Variants in RAP1GAP2 observed in about 807,000 individuals in gnomAD.
The protein encoded by RAP1GAP2 is rap1 GTPase-activating protein 2.
Under a neutral mutation model 95.0 loss-of-function variants are expected in RAP1GAP2, and 27 were observed. The ratio of observed to expected loss-of-function variants is 0.28; its 90% CI spans 0.21 to 0.39. The LOEUF is 0.39. RAP1GAP2 is among the 10% of genes least tolerant of loss of function. The pLI, the probability that RAP1GAP2 is intolerant of heterozygous loss-of-function variation, is 1.00. For synonymous variants in RAP1GAP2, 373 were observed against 380.9 expected (o/e 0.98, Z 0.24); for missense variants, 771 against 970.0 (o/e 0.79, Z 2.72).
In RAP1GAP2 at chr17:2,796,445, C is replaced by G. The variant is rs2069084876; in HGVS notation, c.-83C>G. The G allele has an allele frequency of 2.0e-6, 3 of 1,489,062 alleles. No individual in the cohort carries two copies. In the Admixed American group the frequency reaches 5.9e-5, roughly 29 times the overall value. 92.2% of individuals were successfully genotyped at this position (1,489,062 alleles called of 1,614,324 possible). The stretch of plus-strand genomic sequence containing the variant: ...TCCCCGCCCTGCACCGGCACTGACC[C>G]CGCTGTACCACGGCCCTCTTGCGGA... On this transcript the variant is annotated 5_prime_UTR_variant, in exon 1 of 25. Coordinates refer to ENST00000254695, the MANE Select transcript of RAP1GAP2 (RefSeq NM_015085.5). This position sits in a 1 kb window ranked among gnomAD's most constrained non-coding sequence, Gnocchi z 4.7.
At chr17:2,938,304 T>C (rs1209433438) in intron 3 of RAP1GAP2, among the ~76,000 whole-genome samples, 1 of 152,192 alleles carries the variant, frequency 6.6e-6, no homozygotes, top group Non-Finnish European at 1.5e-5. Context: ...ACACTAGGTC[T>C]GGAGCTGTTT....
intron 3 of RAP1GAP2, among the ~76,000 whole-genome samples, chr17:2,923,083 A>G (rs1162961788): frequency 1.8e-4 from 25 of 139,678 alleles, no homozygotes; most frequent in African/African-American, 6.5e-4. Context: ...CTCTGTTGCC[A>G]GGCTGGAGTG....
chr17:2,968,213 T>C (rs1169325106), intron 8 of RAP1GAP2, among the ~76,000 whole-genome samples: 1 of 152,126 alleles, frequency 6.6e-6, no homozygotes, highest in Non-Finnish European at 1.5e-5. Flanking sequence ...GAGGAAACAG[T>C]TGCTGGTTAA....
At chr17:2,922,826 GTTTTTGTTTTTTTT>G (rs2042829141) in intron 3 of RAP1GAP2, among the ~76,000 whole-genome samples, 1 of 93,728 alleles carries the variant, frequency 1.1e-5, no homozygotes, top group Admixed American at 1.1e-4. Context: ...TTTTCTTTTT[GTTTTTGTTTTTTTT>G]TTTTTTTTTG....
intron 13 of RAP1GAP2, among the ~76,000 whole-genome samples, chr17:2,997,887 C>T (rs1286669776): frequency 6.8e-6 from 1 of 146,942 alleles, no homozygotes; most frequent in African/African-American, 2.5e-5. Context: ...CGTGCCACGG[C>T]ACTCCAGCCT....
Position 2,998,280 on chromosome 17 carries a change from C to G in RAP1GAP2, c.1104C>G (p.Asn368Lys). 6.2e-7 allele frequency: 1 copy of G among 1,614,016 alleles called. No homozygotes were observed. Among genetic ancestry groups the G allele is most frequent in the Non-Finnish European group, 8.5e-7 (1 of 1,179,866 alleles). Residue 368 changes from asparagine to lysine, a missense_variant, in exon 14 of 25, where the codon AAC becomes AAG. Physicochemically the swap from Asn to Lys is moderately conservative, Grantham distance 94. Coordinates refer to ENST00000254695, the MANE Select transcript of RAP1GAP2 (RefSeq NM_015085.5). The stretch of plus-strand genomic sequence containing the variant: ...TGGCCATCATCTTCCAAGAGGAAAA[C>G]ACGCCGTTTGTCCCAGACATGATAG... ...DIVAIIFQEE[N>K]TPFVPDMIAS...
rs1435071678 is a variant in RAP1GAP2 at position 2,963,264 on chromosome 17, A to C, written c.247-166A>C. 1 of 786,064 alleles carries C rather than the reference A, an allele frequency of 1.3e-6. No individual in the cohort carries two copies. The highest frequency in any genetic ancestry group is 2.2e-6 in the Non-Finnish European group (1 of 457,726). The allele number at this position is 786,064 out of a possible 1,614,324, so 48.7% of individuals were successfully genotyped here. On this transcript the variant is annotated intron_variant, in intron 5 of 24. Coordinates refer to ENST00000254695, the MANE Select transcript of RAP1GAP2 (RefSeq NM_015085.5). The surrounding 1 kb of genome is among the most constrained non-coding windows in gnomAD (Gnocchi z 4.8). ...GGGTTCTGTCAGTTTGGAGAAGAAC[A>C]TGGGGGATGTTAGATTCCAGAGCTG...
In RAP1GAP2 at chr17:3,033,020, G is replaced by A. The variant is rs182229819; in HGVS notation, c.*31-372G>A. 153 of 157,252 alleles carry A rather than the reference G, an allele frequency of 9.7e-4. No homozygotes were observed. The highest frequency in any genetic ancestry group is 5.2e-3 in the East Asian group (28 of 5,372). 9.7% of individuals were successfully genotyped at this position (157,252 alleles called of 1,614,324 possible). ...CACCAGAGACCCATCTGAGCTCCCA[G>A]CCCTCTCCCCACATGGGGCTTCAGG... is the stretch of plus-strand genomic sequence containing the variant. On this transcript the variant is annotated intron_variant, in intron 24 of 24. Transcript: ENST00000254695. The surrounding 1 kb of genome is among the most constrained non-coding windows in gnomAD (Gnocchi z 4.9).
Position 3,036,107 on chromosome 17 carries a change from G to A in RAP1GAP2, c.*2746G>A, listed in dbSNP as rs986551828. On this transcript the variant is annotated 3_prime_UTR_variant, in exon 25 of 25. Transcript: ENST00000254695. ...CTTAAAAACAGGTGCAGAAAAGCTC[G>A]CGATGGAAGGTCTTAATGAGAGTGT... The A allele has an allele frequency of 2.0e-5, 3 of 152,216 alleles. No homozygotes were observed. Among genetic ancestry groups the A allele is most frequent in the African/African-American group, 4.8e-5 (2 of 41,438 alleles). The allele number at this position is 152,216 out of a possible 1,614,324, so 9.4% of individuals were successfully genotyped here. A position where few individuals can be genotyped will look rare whatever the true frequency, so the allele number is the denominator to read the frequency against.
chr17:2,765,246 T>G (rs1049693608), intron 1 of RAP1GAP2, among the ~76,000 whole-genome samples: 35 of 152,304 alleles, frequency 2.3e-4, no homozygotes, highest in African/African-American at 7.9e-4. Flanking sequence ...GGGAATGATG[T>G]TGCTGCCTGT....
intron 13 of RAP1GAP2, among the ~76,000 whole-genome samples, chr17:2,996,710 G>T (rs76076171): frequency 1.8e-3 from 269 of 152,334 alleles, no homozygotes; most frequent in African/African-American, 6.1e-3. Flanking sequence ...GTGTTTCTTG[G>T]GAAATACACC....
chr17:2,912,308 T>TG (rs966984042), intron 3 of RAP1GAP2, among the ~76,000 whole-genome samples: 9 of 151,588 alleles, frequency 5.9e-5, no homozygotes, highest in South Asian at 2.1e-4. Flanking sequence ...GGGTGGTGTG[T>TG]GGGGGCTTCT....
In RAP1GAP2 at chr17:2,866,013, C is replaced by T. The variant is rs890476390; in HGVS notation, c.81-39271C>T. ...CCCATGCTCCTGAAGCAGAGATCAA[C>T]CATGGAATGTGAATCCAAGACAGAA... On this transcript the variant is annotated intron_variant, in intron 2 of 24. Transcript: ENST00000254695. This position sits in a 1 kb window ranked among gnomAD's most constrained non-coding sequence, Gnocchi z 4.0. 6.6e-6 allele frequency among the ~76,000 whole-genome samples: 1 copy of T among 152,220 alleles called. No homozygotes were observed. The highest frequency in any genetic ancestry group is 1.5e-5 in the Non-Finnish European group (1 of 68,046).
intron 2 of RAP1GAP2, among the ~76,000 whole-genome samples, chr17:2,890,885 T>G (rs184893120): frequency 0.021 from 3,149 of 151,394 alleles, 94 homozygotes; most frequent in African/African-American, 0.071. Flanking sequence ...GGGGTTTCAC[T>G]GTGTTAGTCA....
At chr17:2,846,864 G>A (rs999089039) in intron 2 of RAP1GAP2, among the ~76,000 whole-genome samples, 11 of 152,154 alleles carry the variant, frequency 7.2e-5, no homozygotes, top group African/African-American at 2.2e-4. Flanking sequence ...GGGCCATTAA[G>A]CCTAGGGACA....
At chr17:2,961,379 G>A (rs2044317489) in intron 4 of RAP1GAP2, among the ~76,000 whole-genome samples, 1 of 152,064 alleles carries the variant, frequency 6.6e-6, no homozygotes, top group Admixed American at 6.5e-5. Context: ...GCTGGGCGTG[G>A]TGGTACATGC....
rs1044808403 is a variant in RAP1GAP2, at chr17:3,037,371, C to T, written c.*4010C>T. ...TGCTTGGAAGTGTGAACTACCCCCCCCCCCCCGCTTCCTGCTCCTTAGCAT... is the reference window on the plus strand; with the variant it reads ...TGCTTGGAAGTGTGAACTACCCCCCTCCCCCCGCTTCCTGCTCCTTAGCAT... On this transcript the variant is annotated 3_prime_UTR_variant, in exon 25 of 25. Coordinates refer to ENST00000254695, the MANE Select transcript of RAP1GAP2 (RefSeq NM_015085.5). 1 of 75,466 alleles carries T rather than the reference C, an allele frequency of 1.3e-5. No individual in the cohort carries two copies. Among genetic ancestry groups the T allele is most frequent in the Non-Finnish European group, 4.4e-5 (1 of 22,760 alleles). 4.7% of individuals were successfully genotyped at this position (75,466 alleles called of 1,614,324 possible).
At chr17:2,761,206 C>G (rs765026664) in intron 1 of RAP1GAP2, among the ~76,000 whole-genome samples, 1 of 151,260 alleles carries the variant, frequency 6.6e-6, no homozygotes, top group Non-Finnish European at 1.5e-5. Context: ...CCACCCATCT[C>G]GGCCTCCCAA....
At chr17:2,989,340 G>A (rs1333549085) in intron 11 of RAP1GAP2, among the ~76,000 whole-genome samples, 3 of 152,036 alleles carry the variant, frequency 2.0e-5, no homozygotes, top group Admixed American at 1.3e-4. Flanking sequence ...GCCTGTTCAT[G>A]TCTTTTTTTT....
Sources: allele counts gnomAD v4.1 joint callset (sites outside exome capture counted in the v4.1 genomes callset), GRCh38; gene constraint gnomAD v4.1.1; non-coding constraint Gnocchi (gnomAD v3.1); transcripts MANE v1.5; gene names NCBI Gene and HGNC (gene_info 2026-07-23, HGNC 2026-07-21).